The following PCDHGB2 variants were observed in gnomAD, a reference collection of about 807,000 sequenced individuals.
The protein encoded by PCDHGB2 is protocadherin gamma subfamily B, 2.
PCDHGB2 carries 55 observed loss-of-function variants against 59.3 expected under a neutral mutation model. The ratio of observed to expected loss-of-function variants is 0.93; its 90% CI spans 0.75 to 1.16. PCDHGB2 has a LOEUF of 1.16. PCDHGB2 is among the 50% of genes most tolerant of loss of function. The pLI, the probability that PCDHGB2 is intolerant of heterozygous loss-of-function variation, is 0.00. For synonymous variants in PCDHGB2, 516 were observed against 512.0 expected, an observed-to-expected ratio of 1.01 and a Z score of -0.11; for missense variants, 1,228 against 1,198.5, an observed-to-expected ratio of 1.02 and a Z score of -0.36.
intron 1 of PCDHGB2, chr5:141,389,183 T>C: frequency 6.2e-7 from 1 of 1,613,988 alleles, no homozygotes. Context: ...TCTCCTCCAG[T>C]TCCAGCATCA....
chr5:141,499,223 C>T (rs1478344280), intron 2 of PCDHGB2, among the ~76,000 whole-genome samples: 2 of 152,112 alleles, frequency 1.3e-5, no homozygotes, highest in African/African-American at 4.8e-5. Context: ...CCCTGCCCTG[C>T]AGCTGTCCCC....
Position 141,431,646 on chromosome 5 carries a change from G to A in PCDHGB2, c.2422-63161G>A. ...GCGGCCCAAGTTTTCAAACTAGATT[G>A]TAATTCAGGGACAATATCAACAATA... On this transcript the variant is annotated intron_variant, in intron 1 of 3. Coordinates refer to ENST00000522605, the MANE Select transcript of PCDHGB2 (RefSeq NM_018923.3). The surrounding 1 kb of genome is among the most constrained non-coding windows in gnomAD (Gnocchi z 4.8). 2 of 1,614,252 alleles carry A rather than the reference G, an allele frequency of 1.2e-6. No individual in the cohort carries two copies. Among genetic ancestry groups the A allele is most frequent in the Non-Finnish European group, 1.7e-6 (2 of 1,180,046 alleles).
rs755304704 is a variant in PCDHGB2, at chr5:141,360,490, A to G, written c.355A>G (p.Ile119Val). 2.5e-6 allele frequency: 4 copies of G among 1,614,010 alleles called. No individual in the cohort carries two copies. The South Asian group carries it at 3.3e-5, about 13-fold the overall frequency. Residue 119 changes from isoleucine (I) to valine (V), a missense_variant, in exon 1 of 4, where the codon ATA (isoleucine) becomes GTA (valine). This residue lies in a region of PCDHGB2 where 781 missense variants were observed against 721.6 expected (regional missense o/e 1.08). Coordinates refer to ENST00000522605, the MANE Select transcript of PCDHGB2 (RefSeq NM_018923.3). ...TGAAAATCCACTAAATATTTTCTACATAGCAGTAATTGTGCAGGATATAAA... is the reference window on the plus strand; with the variant it reads ...TGAAAATCCACTAAATATTTTCTACGTAGCAGTAATTGTGCAGGATATAAA... ...VAENPLNIFY[I>V]AVIVQDINDN...
chr5:141,465,490 G>A (rs917234604), intron 1 of PCDHGB2, among the ~76,000 whole-genome samples: 9 of 152,170 alleles, frequency 5.9e-5, no homozygotes, highest in East Asian at 1.9e-4. Flanking sequence ...AGGAATGAGC[G>A]GGAGCATTGT....
Position 141,361,628 on chromosome 5 carries a change from C to A in PCDHGB2, c.1493C>A (p.Pro498Gln), listed in dbSNP as rs751712279. Residue 498 changes from proline (P) to glutamine (Q), a missense_variant, in exon 1 of 4, where the codon CCG (proline) becomes CAG (glutamine). Physicochemically the swap from Pro to Gln is moderately conservative, Grantham distance 76. This residue lies in a region of PCDHGB2 where 781 missense variants were observed against 721.6 expected (regional missense o/e 1.08). Coordinates refer to ENST00000522605, the MANE Select transcript of PCDHGB2 (RefSeq NM_018923.3). ...SYSIVASDLK[P>Q]REILSYVSVS... Reference sequence around the variant, plus strand: ...TCCATCGTAGCGAGCGACCTGAAGCCGCGGGAGATTTTATCCTACGTGTCC... The same window carrying A: ...TCCATCGTAGCGAGCGACCTGAAGCAGCGGGAGATTTTATCCTACGTGTCC... 3.1e-6 allele frequency: 5 copies of A among 1,613,906 alleles called. No individual in the cohort carries two copies. In the South Asian group the frequency reaches 4.4e-5, roughly 14 times the overall value.
intron 1 of PCDHGB2, chr5:141,418,379 C>T: frequency 6.2e-7 from 1 of 1,613,966 alleles, no homozygotes; most frequent in Non-Finnish European, 8.5e-7. Flanking sequence ...CCAACTAAGT[C>T]CTAACGAGTA....
chr5:141,489,208 C>A lies in PCDHGB2; in HGVS notation c.2422-5599C>A. On this transcript the variant is annotated intron_variant, in intron 1 of 3. Coordinates refer to ENST00000522605, the MANE Select transcript of PCDHGB2 (RefSeq NM_018923.3). The surrounding 1 kb of genome is among the most constrained non-coding windows in gnomAD (Gnocchi z 4.5). The stretch of plus-strand genomic sequence containing the variant: ...GGTCTACCTTGGAGACAGGACAGCA[C>A]AGACTTACTCTCCACAAAGGGACTT... 1 of 1,451,152 alleles carries A rather than the reference C, an allele frequency of 6.9e-7. No individual in the cohort carries two copies. The highest frequency in any genetic ancestry group is 9.3e-7 in the Non-Finnish European group (1 of 1,072,112). 89.9% of individuals were successfully genotyped at this position (1,451,152 alleles called of 1,614,324 possible).
chr5:141,483,648 TTGTGTGTGTGTGTG>T (rs111458813), intron 1 of PCDHGB2, among the ~76,000 whole-genome samples: 1 of 149,592 alleles, frequency 6.7e-6, no homozygotes, highest in Non-Finnish European at 1.5e-5. Flanking sequence ...GGGTGTGTGT[TTGTGTGTGTGTGTG>T]TGTGTGTAAA....
At chr5:141,437,032 C>T (rs2097859215) in intron 1 of PCDHGB2, among the ~76,000 whole-genome samples, 1 of 152,182 alleles carries the variant, frequency 6.6e-6, no homozygotes, top group Admixed American at 6.5e-5. Context: ...GAAAATGGAT[C>T]ACCGAAACCA....
At position 141,489,244 on chromosome 5, in the gene PCDHGB2, G is replaced by C. The variant is rs145484133; in HGVS notation, c.2422-5563G>C. The C allele has an allele frequency of 3.3e-6, 5 of 1,534,936 alleles. No homozygotes were observed. Among genetic ancestry groups the C allele is most frequent in the African/African-American group, 1.4e-5 (1 of 72,374 alleles). On this transcript the variant is annotated intron_variant, in intron 1 of 3. Transcript: ENST00000522605. This position sits in a 1 kb window ranked among gnomAD's most constrained non-coding sequence, Gnocchi z 4.5. ...TCCACAAAGGGACTTCTGGGTCATGGGGCCCAAGACACTCCCACAGCTCGC... is the reference window on the plus strand; with the variant it reads ...TCCACAAAGGGACTTCTGGGTCATGCGGCCCAAGACACTCCCACAGCTCGC...
rs773763605 is a variant in PCDHGB2, at chr5:141,476,631, A to G, written c.2422-18176A>G. On this transcript the variant is annotated intron_variant, in intron 1 of 3. Transcript: ENST00000522605. The surrounding 1 kb of genome is among the most constrained non-coding windows in gnomAD (Gnocchi z 7.6). ...GTGGGAAGCAACTCTTTACAAACCT[A>G]TGAGCTGAGCCGAAATGAATACTTT... The G allele has an allele frequency of 2.5e-6, 4 of 1,614,224 alleles. No individual in the cohort carries two copies. Among genetic ancestry groups the G allele is most frequent in the Admixed American group, 1.7e-5 (1 of 60,032 alleles).
chr5:141,393,115 GGT>G (rs1236382706), intron 1 of PCDHGB2: 1 of 1,613,438 alleles, frequency 6.2e-7, no homozygotes, highest in Non-Finnish European at 8.5e-7. Flanking sequence ...CAGAGCCCGC[GGT>G]GTCTGATAAA....
chr5:141,437,794 G>C (rs1162440523), intron 1 of PCDHGB2, among the ~76,000 whole-genome samples: 1 of 150,526 alleles, frequency 6.6e-6, no homozygotes, highest in Non-Finnish European at 1.5e-5. Context: ...CTGGAGTGCA[G>C]TGGCACTATC....
chr5:141,401,712 A>G (rs987480271), intron 1 of PCDHGB2, among the ~76,000 whole-genome samples: 1 of 152,226 alleles, frequency 6.6e-6, no homozygotes, highest in Non-Finnish European at 1.5e-5. Flanking sequence ...TCCATTTTTA[A>G]GACAAAAACT....
intron 1 of PCDHGB2, chr5:141,426,664 A>G (rs886265350): frequency 2.3e-6 from 1 of 429,248 alleles, no homozygotes; most frequent in Admixed American, 2.5e-5. Flanking sequence ...GATATAAATG[A>G]TAACCCACCT....
rs543366398 is a variant in PCDHGB2 at position 141,390,062 on chromosome 5, G to A, written c.2421+27506G>A. On this transcript the variant is annotated intron_variant, in intron 1 of 3. Coordinates refer to ENST00000522605, the MANE Select transcript of PCDHGB2 (RefSeq NM_018923.3). ...GCCCCGCCTCCTGGAGCTGCTTCCAGCCTGGTCTCTGTGTTAAATCCGAAT... is the reference window on the plus strand; with the variant it reads ...GCCCCGCCTCCTGGAGCTGCTTCCAACCTGGTCTCTGTGTTAAATCCGAAT... 101 of 1,614,064 alleles carry A rather than the reference G, an allele frequency of 6.3e-5. 1 individual carries two copies. The Admixed American group carries it at 8.2e-4, about 13-fold the overall frequency.
At chr5:141,428,049 G>A (rs770637382) in intron 1 of PCDHGB2, 16 of 1,608,954 alleles carry the variant, frequency 9.9e-6, no homozygotes, top group Non-Finnish European at 1.4e-5. Flanking sequence ...GGTGACCAAG[G>A]TGGTGGCGGT....
intron 1 of PCDHGB2, chr5:141,365,256 A>G (rs1358600488): frequency 2.5e-6 from 4 of 1,613,864 alleles, no homozygotes; most frequent in Non-Finnish European, 3.4e-6. Context: ...TCACTGGACT[A>G]TGAAGAATCC....
At chr5:141,440,275 T>C (rs913705052) in intron 1 of PCDHGB2, 14 of 152,120 alleles carry the variant, frequency 9.2e-5, no homozygotes, top group African/African-American at 3.1e-4. Flanking sequence ...GAGACCAGCC[T>C]GACCAACATA....
Sources: gnomAD v4.1 joint callset for allele counts (sites outside exome capture counted in the v4.1 genomes callset) on GRCh38, gnomAD v4.1.1 for gene constraint, gnomAD v4.1.1 regional missense constraint, Gnocchi (gnomAD v3.1) non-coding constraint, MANE v1.5 for transcripts, NCBI Gene and HGNC (gene_info 2026-07-23, HGNC 2026-07-21) for gene names.